Variants in VAMP7 observed in about 807,000 individuals in gnomAD.
VAMP7 encodes the protein vesicle-associated membrane protein 7.
A neutral mutation model predicts 29.6 loss-of-function variants in VAMP7; 14 were observed. That is an observed-to-expected ratio of 0.47 (90% CI 0.31 to 0.74). VAMP7 has a LOEUF of 0.74. Ranked by LOEUF, VAMP7 falls within the 30% of genes least tolerant of loss-of-function variation. The pLI, the probability that VAMP7 is intolerant of heterozygous loss-of-function variation, is 0.05. For synonymous variants in VAMP7, 95 were observed against 88.1 expected (o/e 1.08, Z -0.44); for missense variants, 223 against 262.4 (o/e 0.85, Z 1.04).
At chrX:155,933,717 T>G (rs763690198) in intron 6 of VAMP7, among the ~76,000 whole-genome samples, 1 of 152,326 alleles carries the variant, frequency 6.6e-6, no homozygotes, top group African/African-American at 2.4e-5. Flanking sequence ...AGTTCTGCTC[T>G]GAGTTATTTC....
intron 2 of VAMP7, among the ~76,000 whole-genome samples, chrX:155,893,791 CAT>C (rs1212295219): frequency 5.3e-5 from 8 of 152,220 alleles, no homozygotes; most frequent in African/African-American, 1.4e-4. Context: ...CACACTGTAA[CAT>C]ATGAATTTTG....
intron 1 of VAMP7, 93 bp from the exon 2 acceptor site, chrX:155,889,365 C>T (rs899991832): frequency 6.7e-6 from 10 of 1,496,204 alleles, no homozygotes; most frequent in African/African-American, 5.6e-5. Flanking sequence ...TAGATACTAT[C>T]TCCAGGTAGT....
In VAMP7 at chrX:155,943,113, T is replaced by G. The variant is rs1330230985; in HGVS notation, c.*1162T>G. 2.7e-5 allele frequency: 4 copies of G among 149,374 alleles called. No homozygotes were observed. In the East Asian group the frequency reaches 7.8e-4, roughly 29 times the overall value. 9.3% of individuals were successfully genotyped at this position (149,374 alleles called of 1,614,324 possible). On this transcript the variant is annotated 3_prime_UTR_variant, in exon 8 of 8. Coordinates refer to ENST00000286448, the MANE Select transcript of VAMP7 (RefSeq NM_005638.6). ...GTAAGAAAATTGGACTGTAATCATA[T>G]CGCTACTGGCATCTGTTATCTAGTA...
At chrX:155,887,937 C>CAAAAAAAAAAAAAAAA (rs771113450) in intron 1 of VAMP7, among the ~76,000 whole-genome samples, 1 of 98,666 alleles carries the variant, frequency 1.0e-5, no homozygotes. Flanking sequence ...GACCCTGTCT[C>CAAAAAAAAAAAAAAAA]AAAAAAAAAA....
intron 6 of VAMP7, among the ~76,000 whole-genome samples, chrX:155,926,621 C>G (rs907283333): frequency 3.9e-5 from 6 of 152,184 alleles, no homozygotes; most frequent in African/African-American, 1.4e-4. Flanking sequence ...GTTTTGCTTT[C>G]TTATATGTGT....
chrX:155,913,223 G>A (rs191622211), intron 5 of VAMP7, among the ~76,000 whole-genome samples: 4 of 152,100 alleles, frequency 2.6e-5, no homozygotes, highest in African/African-American at 9.6e-5. Flanking sequence ...TGATGGGGTT[G>A]TTTTTTTCTT....
At chrX:155,921,756 A>G (rs1401346375) in intron 6 of VAMP7, among the ~76,000 whole-genome samples, 1 of 151,914 alleles carries the variant, frequency 6.6e-6, no homozygotes, top group African/African-American at 2.4e-5. Context: ...TCTTCCAACT[A>G]TATTCTTGTT....
At chrX:155,906,468 G>A (rs2066149237) in intron 5 of VAMP7, among the ~76,000 whole-genome samples, 1 of 152,082 alleles carries the variant, frequency 6.6e-6, no homozygotes, top group Admixed American at 6.6e-5. Context: ...CCCTATTGCA[G>A]TAATCTCAAA....
At chrX:155,914,023 C>T (rs1197710673) in intron 5 of VAMP7, among the ~76,000 whole-genome samples, 1 of 151,180 alleles carries the variant, frequency 6.6e-6, no homozygotes, top group African/African-American at 2.5e-5. Flanking sequence ...CATTTGTGTC[C>T]TCTCTTATTT....
chrX:155,921,200 C>T (rs1407236357), intron 6 of VAMP7, among the ~76,000 whole-genome samples: 1 of 152,138 alleles, frequency 6.6e-6, no homozygotes, highest in Non-Finnish European at 1.5e-5. Flanking sequence ...GACTTCATGA[C>T]TGAAAACAGA....
intron 1 of VAMP7, among the ~76,000 whole-genome samples, chrX:155,883,038 T>C: frequency 6.6e-6 from 1 of 152,318 alleles, no homozygotes. Flanking sequence ...TTATACTTTA[T>C]TGCATTTATT....
chrX:155,886,623 C>T (rs758932867), intron 1 of VAMP7, among the ~76,000 whole-genome samples: 10 of 152,266 alleles, frequency 6.6e-5, no homozygotes, highest in African/African-American at 2.4e-4. Flanking sequence ...TCCAGCCAGT[C>T]TTCAGATGAC....
chrX:155,903,755 G>A (rs1228854691), intron 5 of VAMP7, among the ~76,000 whole-genome samples: 2 of 152,130 alleles, frequency 1.3e-5, no homozygotes, highest in African/African-American at 4.8e-5. Context: ...TACACAGTTG[G>A]TCGGACTGTA....
chrX:155,937,392 T>C (rs1425749547), intron 6 of VAMP7, among the ~76,000 whole-genome samples: 1 of 152,190 alleles, frequency 6.6e-6, no homozygotes, highest in Non-Finnish European at 1.5e-5. Flanking sequence ...TGAAATATGC[T>C]ATAAGAATAG....
intron 5 of VAMP7, among the ~76,000 whole-genome samples, chrX:155,909,046 C>CA (rs1298587928): frequency 6.6e-6 from 1 of 152,082 alleles, no homozygotes; most frequent in African/African-American, 2.4e-5. Context: ...AGGCTAGTCT[C>CA]AAACTCCTGG....
chrX:155,895,816 C>T, intron 3 of VAMP7, 136 bp downstream of exon 3: 1 of 628,776 alleles, frequency 1.6e-6, no homozygotes, highest in East Asian at 2.7e-5. Flanking sequence ...GGAACCAGGC[C>T]ACATAGCAGG....
rs150637452 is a variant in VAMP7 at position 155,910,156 on chromosome X, T to C, written c.433+9569T>C. The stretch of plus-strand genomic sequence containing the variant: ...GGTATCTATTGTGCTATTGTCTACC[T>C]CCATGAGATCAACTGTTTTAGTTCC... On this transcript the variant is annotated intron_variant, in intron 5 of 7. Coordinates refer to ENST00000286448, the MANE Select transcript of VAMP7 (RefSeq NM_005638.6). Among the ~76,000 whole-genome samples, 678 of 152,286 alleles carry C rather than the reference T, an allele frequency of 4.5e-3. 2 individuals carry two copies. Among genetic ancestry groups the C allele is most frequent in the African/African-American group, 0.015 (619 of 41,548 alleles).
At chrX:155,927,845 G>A (rs1219883671) in intron 6 of VAMP7, among the ~76,000 whole-genome samples, 1 of 147,962 alleles carries the variant, frequency 6.8e-6, no homozygotes, top group Non-Finnish European at 1.5e-5. Flanking sequence ...CAAAGAGATT[G>A]TCATTTCTCT....
chrX:155,898,114 T>C lies in VAMP7; in HGVS notation c.207T>C (p.Asp69=). The change falls in exon 4 of 8, where the codon GAT becomes GAC. Residue 69 remains aspartate, a splice_region_variant and synonymous_variant. Transcript: ENST00000286448. ...RIVYLCITDD[D]FERSRAFNFL... The stretch of plus-strand genomic sequence containing the variant: ...GTTCTGTGTTGATCTCTTTTCAGGA[T>C]TTTGAACGTTCCCGAGCCTTTAATT... 6.2e-7 allele frequency: 1 copy of C among 1,611,976 alleles called. No individual in the cohort carries two copies. Among genetic ancestry groups the C allele is most frequent in the Non-Finnish European group, 8.5e-7 (1 of 1,179,008 alleles).
Sources: gnomAD v4.1 joint callset for allele counts (sites outside exome capture counted in the v4.1 genomes callset) on GRCh38, gnomAD v4.1.1 for gene constraint, MANE v1.5 for transcripts, NCBI Gene and HGNC (gene_info 2026-07-23, HGNC 2026-07-21) for gene names.